RTN4RL1: variants seen among roughly 807,000 people sequenced by gnomAD.
RTN4RL1 encodes reticulon-4 receptor-like 1.
A neutral mutation model predicts 25.6 loss-of-function variants in RTN4RL1; 7 were observed. The ratio of observed to expected loss-of-function variants is 0.27; its 90% confidence interval spans 0.16 to 0.51. The LOEUF (loss-of-function observed/expected upper bound fraction) is 0.51, where lower values mean the gene tolerates loss of function less well. Ranked by LOEUF, RTN4RL1 falls within the 20% of genes least tolerant of loss-of-function variation. The pLI, the probability that RTN4RL1 is intolerant of heterozygous loss-of-function variation, is 0.97. For missense variants in RTN4RL1, 500 were observed against 615.6 expected, an observed-to-expected ratio of 0.81 and a Z score of 1.99; for synonymous variants, 297 against 288.2, an observed-to-expected ratio of 1.03 and a Z score of -0.31.
At chr17:2,008,379 T>C (rs572749611) in intron 1 of RTN4RL1, among the ~76,000 whole-genome samples, 2 of 150,048 alleles carry the variant, frequency 1.3e-5, no homozygotes, top group Admixed American at 6.6e-5. Context: ...CATAGAAAGG[T>C]GTTTGAGAAA....
intron 1 of RTN4RL1, among the ~76,000 whole-genome samples, chr17:1,968,979 C>A (rs1256975776): frequency 1.3e-5 from 2 of 151,954 alleles, no homozygotes; most frequent in Non-Finnish European, 2.9e-5. Context: ...GGAAACCAAC[C>A]CATGATCTAT....
intron 1 of RTN4RL1, among the ~76,000 whole-genome samples, chr17:1,944,012 A>G (rs1054220121): frequency 6.6e-6 from 1 of 151,998 alleles, no homozygotes; most frequent in African/African-American, 2.4e-5. Context: ...TGCAACCTCA[A>G]CCTCCTGGGC....
intron 1 of RTN4RL1, among the ~76,000 whole-genome samples, chr17:2,011,081 G>A (rs1202942525): frequency 4.1e-5 from 6 of 146,590 alleles, no homozygotes; most frequent in African/African-American, 7.4e-5. Context: ...GAGAAACCCC[G>A]TCTCTACTAA....
chr17:1,971,269 C>A (rs2066817553), intron 1 of RTN4RL1, among the ~76,000 whole-genome samples: 1 of 152,184 alleles, frequency 6.6e-6, no homozygotes, highest in South Asian at 2.1e-4. Flanking sequence ...CTCCTGTCGC[C>A]TTGCGAAGAA....
chr17:2,022,447 T>C (rs2067221052), intron 1 of RTN4RL1, among the ~76,000 whole-genome samples: 2 of 152,178 alleles, frequency 1.3e-5, no homozygotes, highest in African/African-American at 4.8e-5. Flanking sequence ...CCACCACACC[T>C]GGCCTCCTGT....
intron 1 of RTN4RL1, among the ~76,000 whole-genome samples, chr17:1,965,827 G>A (rs562823927): frequency 1.2e-4 from 19 of 152,244 alleles, no homozygotes; most frequent in Admixed American, 3.3e-4. Flanking sequence ...CTCCGCCCTC[G>A]TCTGGGCTCT....
chr17:1,962,986 G>A (rs376817144), intron 1 of RTN4RL1, among the ~76,000 whole-genome samples: 28 of 151,910 alleles, frequency 1.8e-4, no homozygotes, highest in African/African-American at 6.5e-4. Flanking sequence ...TGCCCTGGCT[G>A]GAGTGCAGAG....
intron 1 of RTN4RL1, among the ~76,000 whole-genome samples, chr17:1,942,368 G>A (rs1915456982): frequency 7.9e-6 from 1 of 126,590 alleles, no homozygotes; most frequent in African/African-American, 2.8e-5. Flanking sequence ...ACTGGGTGGG[G>A]GGATACGGAG....
intron 1 of RTN4RL1, among the ~76,000 whole-genome samples, chr17:1,950,846 C>CA (rs61660812): frequency 0.19 from 3,422 of 17,776 alleles, 980 homozygotes; most frequent in Non-Finnish European, 0.21. Context: ...ACACAGTCTC[C>CA]AAAAAAAAAA....
At chr17:2,012,496 G>A (rs959657338) in intron 1 of RTN4RL1, among the ~76,000 whole-genome samples, 1 of 152,298 alleles carries the variant, frequency 6.6e-6, no homozygotes, top group Admixed American at 6.5e-5. Context: ...GCGTGGTGTA[G>A]GACTCTTCTC....
At chr17:1,946,952 G>A (rs1053108050) in intron 1 of RTN4RL1, among the ~76,000 whole-genome samples, 13 of 147,936 alleles carry the variant, frequency 8.8e-5, no homozygotes, top group Admixed American at 8.1e-4. Flanking sequence ...GTGTGTGCAC[G>A]GGGTCTGTGT....
At chr17:1,946,357 G>A (rs990306336) in intron 1 of RTN4RL1, among the ~76,000 whole-genome samples, 1 of 152,236 alleles carries the variant, frequency 6.6e-6, no homozygotes, top group Non-Finnish European at 1.5e-5. Flanking sequence ...CATGCGTCCC[G>A]CTCAGTCCCT....
At position 1,937,385 on chromosome 17, in the gene RTN4RL1, C is replaced by G. The variant is rs199769480; in HGVS notation, c.437G>C (p.Gly146Ala). The G allele has an allele frequency of 9.9e-6, 16 of 1,613,678 alleles. No homozygotes were observed. In the East Asian group the frequency reaches 1.3e-4, roughly 13 times the overall value. Residue 146 changes from glycine to alanine, a missense_variant, in exon 2 of 2, where the codon GGC becomes GCC. Physicochemically the swap from Gly to Ala is moderately conservative, Grantham distance 60. Coordinates refer to ENST00000331238, the MANE Select transcript of RTN4RL1 (RefSeq NM_178568.4). ...GLSALPAGVF[G>A]GLHSLQYLYL... ...GAGGTACTGCAGGCTGTGCAGGCCGCCAAAGACGCCGGCCGGCAAGGCGCT... is the reference window on the plus strand; with the variant it reads ...GAGGTACTGCAGGCTGTGCAGGCCGGCAAAGACGCCGGCCGGCAAGGCGCT...
At chr17:1,948,375 T>C (rs1193799689) in intron 1 of RTN4RL1, among the ~76,000 whole-genome samples, 3 of 152,222 alleles carry the variant, frequency 2.0e-5, no homozygotes, top group Admixed American at 6.5e-5. Context: ...AGAACCTGAG[T>C]TGTGGCAGCG....
At chr17:1,999,443 C>T (rs778560192) in intron 1 of RTN4RL1, among the ~76,000 whole-genome samples, 32 of 126,654 alleles carry the variant, frequency 2.5e-4, no homozygotes, top group Non-Finnish European at 5.0e-4. Context: ...AAGACTCCGT[C>T]TCGAAAAAAA....
chr17:1,947,397 C>T lies in RTN4RL1; in HGVS notation c.14-9589G>A, dbSNP rs73288352. ...GCCCCCTTCACCCTGCAGCGTGCCT[C>T]GCTCACCCTCCTGAAAAGGGAGCGG... is the stretch of plus-strand genomic sequence containing the variant. On this transcript the variant is annotated intron_variant, in intron 1 of 1. Transcript: ENST00000331238. Among the ~76,000 whole-genome samples, 461 of 152,330 alleles carry T rather than the reference C, an allele frequency of 3.0e-3. 5 individuals are homozygous for T. Among genetic ancestry groups the T allele is most frequent in the African/African-American group, 0.011 (442 of 41,580 alleles).
intron 1 of RTN4RL1, among the ~76,000 whole-genome samples, chr17:2,014,632 G>T (rs2067095830): frequency 6.6e-6 from 1 of 152,190 alleles, no homozygotes; most frequent in African/African-American, 2.4e-5. Flanking sequence ...AGGAGTTCGA[G>T]ACCAGCCTGG....
chr17:2,024,370 C>T (rs1350387349), intron 1 of RTN4RL1, among the ~76,000 whole-genome samples: 2 of 152,194 alleles, frequency 1.3e-5, no homozygotes, highest in Admixed American at 6.5e-5. Flanking sequence ...AAGACGTCCG[C>T]GTCCGGGCCC....
intron 1 of RTN4RL1, among the ~76,000 whole-genome samples, chr17:1,939,643 C>T (rs139948860): frequency 1.9e-3 from 282 of 152,308 alleles, no homozygotes; most frequent in African/African-American, 6.6e-3. Context: ...ATTAGGCATT[C>T]GTTAATGGAT....
Sources: allele counts gnomAD v4.1 joint callset (sites outside exome capture counted in the v4.1 genomes callset), GRCh38; gene constraint gnomAD v4.1.1; transcripts MANE v1.5; gene names NCBI Gene and HGNC (gene_info 2026-07-23, HGNC 2026-07-21).